The following CACNA2D2 variants were observed in gnomAD, a reference collection of about 807,000 sequenced individuals.
CACNA2D2 encodes the protein voltage-dependent calcium channel subunit alpha-2/delta-2.
Under a neutral mutation model 166.4 loss-of-function variants are expected in CACNA2D2, and 48 were observed. That is an observed-to-expected ratio of 0.29 (90% CI 0.23 to 0.37). The LOEUF (loss-of-function observed/expected upper bound fraction) is 0.37. CACNA2D2 is among the 10% of genes least tolerant of loss of function. The pLI, the probability that CACNA2D2 is intolerant of heterozygous loss-of-function variation, is 1.00. For synonymous variants in CACNA2D2, 561 were observed against 573.7 expected (o/e 0.98, Z 0.32); for missense variants, 1,122 against 1,433.0 (o/e 0.78, Z 3.50).
chr3:50,376,185 C>T lies in CACNA2D2; in HGVS notation c.1630G>A (p.Gly544Arg). Residue 544 changes from glycine to arginine, a missense_variant, in exon 18 of 38, where the codon GGA (glycine) becomes AGA (arginine). This residue lies in a region of CACNA2D2 where 840 missense variants were observed against 1,166.8 expected (regional missense o/e 0.72). Transcript: ENST00000424201. The surrounding 1 kb of genome is among the most constrained non-coding windows in gnomAD (Gnocchi z 4.3). Reference protein sequence around the residue: ...IKRLTPNYTLGANGYVFAIDL... With the variant: ...IKRLTPNYTLRANGYVFAIDL... ...ATGGCAAACACATAGCCGTTGGCTCCAAGCTGGAGGCACAGATTGGGGGCT... is the reference window on the plus strand; with the variant it reads ...ATGGCAAACACATAGCCGTTGGCTCTAAGCTGGAGGCACAGATTGGGGGCT... 1 of 1,613,366 alleles carries T rather than the reference C, an allele frequency of 6.2e-7. No individual in the cohort carries two copies. The highest frequency in any genetic ancestry group is 8.5e-7 in the Non-Finnish European group (1 of 1,179,958).
intron 3 of CACNA2D2, among the ~76,000 whole-genome samples, chr3:50,422,874 G>C (rs1036563065): frequency 1.3e-5 from 2 of 152,338 alleles, no homozygotes; most frequent in East Asian, 1.9e-4. Flanking sequence ...GTGGGTGGGG[G>C]GTCTTATTTC....
intron 3 of CACNA2D2, among the ~76,000 whole-genome samples, chr3:50,394,937 G>A (rs72936957): frequency 0.031 from 4,740 of 152,282 alleles, 241 homozygotes; most frequent in African/African-American, 0.11. Context: ...GCAGTGCTGT[G>A]GGGGCTCGGG....
At position 50,438,256 on chromosome 3, in the gene CACNA2D2, C is replaced by G. The variant is rs148428150; in HGVS notation, c.289-3827G>C. 2.4e-4 allele frequency among the ~76,000 whole-genome samples: 36 copies of G among 152,246 alleles called. 1 individual carries two copies. In the East Asian group the frequency reaches 5.8e-3, roughly 24 times the overall value. On this transcript the variant is annotated intron_variant, in intron 2 of 37. Coordinates refer to ENST00000424201, the MANE Select transcript of CACNA2D2 (RefSeq NM_006030.4). ...TCATGTACTGGTGACCATGGCTCAG[C>G]TGGTGCCCTCCTCCCTTGAGGGCAC...
intron 1 of CACNA2D2, among the ~76,000 whole-genome samples, chr3:50,496,843 A>G (rs1698744982): frequency 6.6e-6 from 1 of 152,218 alleles, no homozygotes; most frequent in Admixed American, 6.5e-5. Flanking sequence ...AGAAAGAACT[A>G]GCCATCAGGG....
Position 50,367,897 on chromosome 3 carries a change from T to C in CACNA2D2, c.2149A>G (p.Asn717Asp). 1 of 1,392,904 alleles carries C rather than the reference T, an allele frequency of 7.2e-7. No homozygotes were observed. The highest frequency in any genetic ancestry group is 9.7e-7 in the Non-Finnish European group (1 of 1,028,662). 86.3% of individuals were successfully genotyped at this position (1,392,904 alleles called of 1,614,324 possible). ...KVTPDSKQCN[N>D]FLLHNLILDT... is the part of the protein sequence containing the mutation. ...AAGATCAGGTTGTGCAGAAGGAAGT[T>C]GTTGCCTGGAACAGGAGGGGAGGGG... The change falls in exon 25 of 38, where the codon AAC becomes GAC. Residue 717 changes from asparagine to aspartate, a missense_variant. Physicochemically the swap from Asn to Asp is conservative, Grantham distance 23 (BLOSUM62 1). Around this residue, in one of 2 missense-constraint regions of CACNA2D2, gnomAD observed 840 missense variants for 1,166.8 expected, o/e 0.72. Transcript: ENST00000424201. This position sits in a 1 kb window ranked among gnomAD's most constrained non-coding sequence, Gnocchi z 6.5.
intron 2 of CACNA2D2, among the ~76,000 whole-genome samples, chr3:50,450,323 C>A (rs1161654396): frequency 6.6e-6 from 1 of 150,962 alleles, no homozygotes; most frequent in Non-Finnish European, 1.5e-5. Context: ...GGGCCCCAAG[C>A]CCCACCTACC....
chr3:50,408,197 T>A (rs953353416), intron 3 of CACNA2D2, among the ~76,000 whole-genome samples: 4 of 152,218 alleles, frequency 2.6e-5, no homozygotes, highest in Admixed American at 6.5e-5. Context: ...GCTTTGTCCA[T>A]GCCAGGGATG....
chr3:50,371,195 G>A (rs1704639850), intron 22 of CACNA2D2, among the ~76,000 whole-genome samples: 1 of 152,112 alleles, frequency 6.6e-6, no homozygotes, highest in South Asian at 2.1e-4. Context: ...GACGGGCTGG[G>A]TCTCCACCCT....
intron 2 of CACNA2D2, among the ~76,000 whole-genome samples, chr3:50,466,002 T>G (rs1000153461): frequency 1.3e-5 from 2 of 152,168 alleles, no homozygotes; most frequent in African/African-American, 4.8e-5. Context: ...TCTGGCTCCT[T>G]GCTCCTTACC....
At chr3:50,391,405 G>A (rs1213777773) in intron 4 of CACNA2D2, among the ~76,000 whole-genome samples, 1 of 152,242 alleles carries the variant, frequency 6.6e-6, no homozygotes, top group East Asian at 1.9e-4. Context: ...TTGGCATAGT[G>A]TGGTGCTGGC....
rs757572722 is a variant in CACNA2D2, at chr3:50,365,125, G to A, written c.3158C>T (p.Pro1053Leu). The A allele has an allele frequency of 1.3e-5, 21 of 1,612,140 alleles. No individual in the cohort carries two copies. The Admixed American group carries it at 2.2e-4, about 17-fold the overall frequency. ...TNLLFVVAEK[P>L]LCSQCEAGRL... ...GCCAGCCTCGCACTGGCTGCACAGC[G>A]GCTTCTCGGCCACCACAAAGAGAAG... is the stretch of plus-strand genomic sequence containing the variant. The change falls in exon 36 of 38, where the codon CCG (proline) becomes CTG (leucine). Residue 1053 changes from proline to leucine, a missense_variant. By Grantham distance (98) the Pro-to-Leu change is moderately conservative. Around this residue, in one of 2 missense-constraint regions of CACNA2D2, gnomAD observed 282 missense variants for 266.2 expected, o/e 1.06. Transcript: ENST00000424201. This position sits in a 1 kb window ranked among gnomAD's most constrained non-coding sequence, Gnocchi z 4.5.
chr3:50,406,420 G>A (rs1009764127), intron 3 of CACNA2D2, among the ~76,000 whole-genome samples: 2 of 151,676 alleles, frequency 1.3e-5, no homozygotes, highest in East Asian at 2.1e-4. Context: ...GCCCCTCAGA[G>A]GTACACTCCA....
chr3:50,462,485 A>G (rs559817129), intron 2 of CACNA2D2, among the ~76,000 whole-genome samples: 1 of 151,918 alleles, frequency 6.6e-6, no homozygotes, highest in African/African-American at 2.4e-5. Flanking sequence ...GGTAGGAAAC[A>G]ACTAAAAAAT....
Position 50,375,586 on chromosome 3 carries a change from G to A in CACNA2D2, c.1907+58C>T. 2 of 1,578,392 alleles carry A rather than the reference G, an allele frequency of 1.3e-6. No homozygotes were observed. Among genetic ancestry groups the A allele is most frequent in the Non-Finnish European group, 1.7e-6 (2 of 1,152,034 alleles). ...CAGTGGGAGAGGGAGGGGACAGCTGGGCTCAGATTCTGGGGCCACCCCACC... is the reference window on the plus strand; with the variant it reads ...CAGTGGGAGAGGGAGGGGACAGCTGAGCTCAGATTCTGGGGCCACCCCACC... On this transcript the variant is annotated intron_variant, in intron 21 of 37. Coordinates refer to ENST00000424201, the MANE Select transcript of CACNA2D2 (RefSeq NM_006030.4). This position sits in a 1 kb window ranked among gnomAD's most constrained non-coding sequence, Gnocchi z 4.0.
At position 50,414,805 on chromosome 3, in the gene CACNA2D2, C is replaced by A. The variant is rs79464865; in HGVS notation, c.405+19508G>T. Among the ~76,000 whole-genome samples, 475 of 152,330 alleles carry A rather than the reference C, an allele frequency of 3.1e-3. 3 individuals carry two copies. Among genetic ancestry groups the A allele is most frequent in the African/African-American group, 0.011 (460 of 41,574 alleles). On this transcript the variant is annotated intron_variant, in intron 3 of 37. Coordinates refer to ENST00000424201, the MANE Select transcript of CACNA2D2 (RefSeq NM_006030.4). The stretch of plus-strand genomic sequence containing the variant: ...CTCCTCATTCAATTCACATTTAAAT[C>A]GAAAACAACCCCTCCAAGTCTGCGC...
chr3:50,489,782 G>A (rs1698447395), intron 1 of CACNA2D2, among the ~76,000 whole-genome samples: 1 of 151,846 alleles, frequency 6.6e-6, no homozygotes, highest in African/African-American at 2.4e-5. Flanking sequence ...CACCCTGACT[G>A]GGGAGGCCCA....
In CACNA2D2 at chr3:50,377,553, A is replaced by C. The variant is rs587754429; in HGVS notation, c.1552-12T>G. 5.6e-6 allele frequency: 9 copies of C among 1,612,636 alleles called. No individual in the cohort carries two copies. The highest frequency in any genetic ancestry group is 7.6e-6 in the Non-Finnish European group (9 of 1,179,338). On this transcript the variant is annotated splice_polypyrimidine_tract_variant and intron_variant, in intron 16 of 37. Coordinates refer to ENST00000424201, the MANE Select transcript of CACNA2D2 (RefSeq NM_006030.4). ...AGGATCAGCTGGTTCTGGGAGCAGA[A>C]GCATGGGGGGCTCCTCAGTGAGCTC...
chr3:50,371,037 G>T (rs1180836952), intron 22 of CACNA2D2, among the ~76,000 whole-genome samples: 1 of 152,092 alleles, frequency 6.6e-6, no homozygotes, highest in Non-Finnish European at 1.5e-5. Flanking sequence ...TGTCGGGGCT[G>T]GTGGTCCTCC....
Position 50,464,019 on chromosome 3 carries a change from T to C in CACNA2D2, c.288+12099A>G, listed in dbSNP as rs1319892877. On this transcript the variant is annotated intron_variant, in intron 2 of 37. Transcript: ENST00000424201. Reference sequence around the variant, plus strand: ...CTCTGCAGATCATGCAGAGGGAGCATGGGAGCTCCTCAAAAGGCAGGACAG... The same window carrying C: ...CTCTGCAGATCATGCAGAGGGAGCACGGGAGCTCCTCAAAAGGCAGGACAG... 2.6e-5 allele frequency among the ~76,000 whole-genome samples: 4 copies of C among 152,182 alleles called. No homozygotes were observed. The East Asian group carries it at 7.7e-4, about 29-fold the overall frequency.
Sources: allele counts gnomAD v4.1 joint callset (sites outside exome capture counted in the v4.1 genomes callset), GRCh38; gene constraint gnomAD v4.1.1; regional missense constraint gnomAD v4.1.1; non-coding constraint Gnocchi (gnomAD v3.1); transcripts MANE v1.5; gene names NCBI Gene and HGNC (gene_info 2026-07-23, HGNC 2026-07-21).